The following EBF1 variants were observed in gnomAD, a reference collection of about 807,000 sequenced individuals.
EBF1 encodes the protein transcription factor COE1.
Under a neutral mutation model 68.4 loss-of-function variants are expected in EBF1, and 10 were observed. That is an observed-to-expected ratio of 0.15 (90% CI 0.09 to 0.25). The LOEUF (loss-of-function observed/expected upper bound fraction) is 0.25. Among genes scored for constraint, EBF1 ranks in the 10% least tolerant of loss-of-function variants. The pLI is 1.00. For synonymous variants in EBF1, 298 were observed against 299.8 expected, an observed-to-expected ratio of 0.99 and a Z score of 0.06; for missense variants, 509 against 794.4, an observed-to-expected ratio of 0.64 and a Z score of 4.32.
intron 6 of EBF1, among the ~76,000 whole-genome samples, chr5:159,035,503 A>G (rs1392494230): frequency 2.0e-5 from 3 of 152,170 alleles, no homozygotes; most frequent in Non-Finnish European, 4.4e-5. Flanking sequence ...TATTTGAAGG[A>G]GGCAGTACAG....
At chr5:158,922,042 T>C (rs976683240) in intron 6 of EBF1, among the ~76,000 whole-genome samples, 3 of 152,204 alleles carry the variant, frequency 2.0e-5, no homozygotes, top group Non-Finnish European at 4.4e-5. Flanking sequence ...CTCAGAGCAG[T>C]GCTCTTAGTT....
chr5:158,805,525 G>T (rs754717844), intron 8 of EBF1, among the ~76,000 whole-genome samples: 1 of 152,024 alleles, frequency 6.6e-6, no homozygotes, highest in Non-Finnish European at 1.5e-5. Flanking sequence ...ATAGATGCGT[G>T]CAGATAATTT....
intron 6 of EBF1, among the ~76,000 whole-genome samples, chr5:158,862,760 GACACCATATTGTGA>G (rs1229925956): frequency 6.6e-6 from 1 of 152,208 alleles, no homozygotes; most frequent in African/African-American, 2.4e-5. Flanking sequence ...TTGCAAAGTG[GACACCATATTGTGA>G]ACTTAGGCTT....
At chr5:159,089,906 A>C (rs1781331761) in intron 4 of EBF1, among the ~76,000 whole-genome samples, 1 of 151,978 alleles carries the variant, frequency 6.6e-6, no homozygotes, top group Admixed American at 6.6e-5. Flanking sequence ...GGAAGAAAGG[A>C]TTGGAGGGAG....
chr5:158,920,004 A>G (rs1339320220), intron 6 of EBF1, among the ~76,000 whole-genome samples: 2 of 152,224 alleles, frequency 1.3e-5, no homozygotes, highest in Non-Finnish European at 2.9e-5. Context: ...CTGTCTATAA[A>G]TTCCCCACAA....
chr5:158,773,466 TA>T (rs1774318313), intron 10 of EBF1, among the ~76,000 whole-genome samples: 1 of 152,232 alleles, frequency 6.6e-6, no homozygotes, highest in East Asian at 1.9e-4. Flanking sequence ...AAAGATCTGA[TA>T]AGTGACCTAA....
At chr5:158,895,475 A>C (rs1308270372) in intron 6 of EBF1, among the ~76,000 whole-genome samples, 1 of 152,218 alleles carries the variant, frequency 6.6e-6, no homozygotes, top group Non-Finnish European at 1.5e-5. Context: ...ATACGTCCTA[A>C]GCATTCTACA....
chr5:158,757,141 T>C (rs910589235), intron 10 of EBF1, among the ~76,000 whole-genome samples: 5 of 152,060 alleles, frequency 3.3e-5, no homozygotes, highest in Admixed American at 3.3e-4. Flanking sequence ...AGACCACACA[T>C]CTGCTTACAA....
chr5:158,746,678 C>G (rs1302720060), intron 10 of EBF1, among the ~76,000 whole-genome samples: 1 of 152,178 alleles, frequency 6.6e-6, no homozygotes, highest in Non-Finnish European at 1.5e-5. Flanking sequence ...TCTATACTCT[C>G]TCTATAATCT....
chr5:159,003,937 G>A (rs750357481), intron 6 of EBF1, among the ~76,000 whole-genome samples: 2 of 152,170 alleles, frequency 1.3e-5, no homozygotes, highest in African/African-American at 4.8e-5. Context: ...AAAATGTTGG[G>A]AGAATTTCTA....
At chr5:158,743,791 A>T (rs1366715843) in intron 10 of EBF1, among the ~76,000 whole-genome samples, 8 of 152,190 alleles carry the variant, frequency 5.3e-5, no homozygotes, top group Non-Finnish European at 1.2e-4. Flanking sequence ...GGAGGAAAAA[A>T]AATCATGAGT....
rs554146223 is a variant in EBF1, at chr5:159,014,592, C to G, written c.554+58804G>C. ...CCCAAAGTCACTATGGTGACAAGGT[C>G]TATTGCTGACCCCAAATATCTCTTT... On this transcript the variant is annotated intron_variant, in intron 6 of 15. Transcript: ENST00000313708. Among the ~76,000 whole-genome samples, 3 of 152,318 alleles carry G rather than the reference C, an allele frequency of 2.0e-5. No homozygotes were observed. In the South Asian group the frequency reaches 6.2e-4, roughly 32 times the overall value.
At chr5:158,728,025 C>T (rs1763340487) in intron 11 of EBF1, among the ~76,000 whole-genome samples, 1 of 152,190 alleles carries the variant, frequency 6.6e-6, no homozygotes, top group African/African-American at 2.4e-5. Context: ...TGAAACACTC[C>T]TGTTTGACAA....
At position 159,099,819 on chromosome 5, in the gene EBF1, CTT is replaced by C. The variant is rs1022658984; in HGVS notation, c.-343_-342del. The C allele has an allele frequency of 7.3e-5, 3 of 40,830 alleles. No individual in the cohort carries two copies. The highest frequency in any genetic ancestry group is 0.012 in the Middle Eastern group (1 of 82). 2.5% of individuals were successfully genotyped at this position (40,830 alleles called of 1,614,324 possible). ...TTTGGGTGCTTTTTTTTTTTTTTTG[CTT>C]TTTTTTTTTTTTTTTTGTAATGATC... On this transcript the variant is annotated 5_prime_UTR_variant, in exon 1 of 16. Coordinates refer to ENST00000313708, the MANE Select transcript of EBF1 (RefSeq NM_024007.5).
At chr5:159,057,298 G>A (rs1221162631) in intron 6 of EBF1, among the ~76,000 whole-genome samples, 2 of 151,806 alleles carry the variant, frequency 1.3e-5, no homozygotes, top group African/African-American at 4.8e-5. Context: ...GTAGAGACGA[G>A]GTTTTGCCAT....
At chr5:158,840,224 T>C (rs1256169608) in intron 6 of EBF1, 114 bp from the exon 7 acceptor site, 2 of 773,910 alleles carry the variant, frequency 2.6e-6, no homozygotes, top group Admixed American at 4.7e-5. Flanking sequence ...TTTTCTGAAA[T>C]ATTCAGCATG....
chr5:158,904,548 T>G (rs7704412), intron 6 of EBF1, among the ~76,000 whole-genome samples: 2,866 of 152,276 alleles, frequency 0.019, 101 homozygotes, highest in African/African-American at 0.065. Context: ...CCACATTTTG[T>G]GAAAATAAAA....
intron 6 of EBF1, among the ~76,000 whole-genome samples, chr5:158,889,030 A>G (rs776349902): frequency 2.0e-5 from 3 of 152,084 alleles, no homozygotes; most frequent in Non-Finnish European, 4.4e-5. Flanking sequence ...CCCACTGATT[A>G]CTTTAGGGTT....
chr5:159,004,312 C>A (rs1170206111), intron 6 of EBF1, among the ~76,000 whole-genome samples: 1 of 150,778 alleles, frequency 6.6e-6, no homozygotes, highest in Non-Finnish European at 1.5e-5. Flanking sequence ...TCAGTGATAT[C>A]AAATTTGAGG....
Sources: allele counts gnomAD v4.1 joint callset (sites outside exome capture counted in the v4.1 genomes callset), GRCh38; gene constraint gnomAD v4.1.1; transcripts MANE v1.5; gene names NCBI Gene and HGNC (gene_info 2026-07-23, HGNC 2026-07-21).